STARD13: variants seen among roughly 807,000 people sequenced by gnomAD.
STARD13 encodes the protein StAR related lipid transfer domain containing 13, also known as stAR-related lipid transfer protein 13.
STARD13 carries 62 observed loss-of-function variants against 106.4 expected under a neutral mutation model. The ratio of observed to expected loss-of-function variants is 0.58; its 90% confidence interval spans 0.48 to 0.72. The LOEUF is 0.72. STARD13 is among the 30% of genes least tolerant of loss of function. The pLI, the probability that STARD13 is intolerant of heterozygous loss-of-function variation, is 0.00. For missense variants in STARD13, 1,387 were observed against 1,424.0 expected (o/e 0.97, Z 0.42); for synonymous variants, 565 against 553.0 (o/e 1.02, Z -0.31).
the STARD13 span, among the ~76,000 whole-genome samples, chr13:33,467,150 T>C: frequency 0.015 from 2,236 of 152,028 alleles, 60 homozygotes; most frequent in African/African-American, 0.048. Context: ...ATCTCTCTCA[T>C]TGTAATATAT....
the STARD13 span, among the ~76,000 whole-genome samples, chr13:33,410,747 C>T: frequency 1.3e-5 from 2 of 152,134 alleles, no homozygotes; most frequent in Admixed American, 1.3e-4. Context: ...AACTGCCCTG[C>T]GTTCATCTTT....
chr13:33,604,263 T>C, the STARD13 span, among the ~76,000 whole-genome samples: 3 of 152,150 alleles, frequency 2.0e-5, no homozygotes, highest in Admixed American at 6.5e-5. Flanking sequence ...GATAAGGATC[T>C]GAGAGGCAGA....
the STARD13 span, among the ~76,000 whole-genome samples, chr13:33,450,439 AT>A: frequency 6.6e-6 from 1 of 152,110 alleles, no homozygotes; most frequent in African/African-American, 2.4e-5. Flanking sequence ...GGTGAATGAT[AT>A]TTTTAATGTG....
chr13:33,616,146 A>AAGAG, the STARD13 span, among the ~76,000 whole-genome samples: 1 of 150,154 alleles, frequency 6.7e-6, no homozygotes, highest in Non-Finnish European at 1.5e-5. Context: ...GACAGGGAAA[A>AAGAG]AGAGAGAGAG....
intron 1 of STARD13, among the ~76,000 whole-genome samples, chr13:33,349,785 C>T (rs1362882765): frequency 1.3e-5 from 2 of 152,256 alleles, no homozygotes; most frequent in East Asian, 1.9e-4. Context: ...ACATCCCCCC[C>T]TCTACCCCCG....
At chr13:33,212,817 G>A (rs1040760724) in intron 1 of STARD13, among the ~76,000 whole-genome samples, 1 of 152,096 alleles carries the variant, frequency 6.6e-6, no homozygotes, top group African/African-American at 2.4e-5. Context: ...TCTAATTTCT[G>A]CTATTATTAA....
Position 33,130,355 on chromosome 13 carries a change from C to G in STARD13, c.388-66G>C. 6.6e-7 allele frequency: 1 copy of G among 1,516,264 alleles called. No homozygotes were observed. Among genetic ancestry groups the G allele is most frequent in the Non-Finnish European group, 8.9e-7 (1 of 1,123,456 alleles). The allele number at this position is 1,516,264 out of a possible 1,614,324, so 93.9% of individuals were successfully genotyped here. A position where few individuals can be genotyped will look rare whatever the true frequency, so the allele number is the denominator to read the frequency against. On this transcript the variant is annotated intron_variant, in intron 4 of 13. Transcript: ENST00000336934. The surrounding 1 kb of genome is among the most constrained non-coding windows in gnomAD (Gnocchi z 4.1). ...GGCTGAAGCAGGAACTCTGGGTGCT[C>G]TGAGGGCAGCCCTGTGTGGTCCTCC...
rs1889190253 is a variant in STARD13, at chr13:33,236,368, C to G, written c.169+49102G>C. Among the ~76,000 whole-genome samples, 3 of 152,162 alleles carry G rather than the reference C, an allele frequency of 2.0e-5. 1 individual carries two copies. In the South Asian group the frequency reaches 6.2e-4, roughly 32 times the overall value. On this transcript the variant is annotated intron_variant, in intron 1 of 13. Transcript: ENST00000336934. ...TCTGTGGAGAGGAATAAGGAAGGAC[C>G]AGGTGCGAGGAGTTCCCTGGGTTCG...
At chr13:33,236,975 G>A (rs960133342) in intron 1 of STARD13, among the ~76,000 whole-genome samples, 1 of 151,916 alleles carries the variant, frequency 6.6e-6, no homozygotes, top group African/African-American at 2.4e-5. Flanking sequence ...TTCTTCCCTA[G>A]GATATATACC....
chr13:33,183,725 A>G (rs930582730), intron 1 of STARD13, among the ~76,000 whole-genome samples: 1 of 152,110 alleles, frequency 6.6e-6, no homozygotes, highest in Non-Finnish European at 1.5e-5. Context: ...GAAGGAGGGC[A>G]GTTCCGGTGA....
intron 1 of STARD13, among the ~76,000 whole-genome samples, chr13:33,181,522 T>G (rs921116285): frequency 2.6e-5 from 4 of 152,212 alleles, no homozygotes; most frequent in African/African-American, 9.7e-5. Flanking sequence ...GAGAAAAATA[T>G]TTATAGATCT....
chr13:33,318,617 G>A lies in STARD13; in HGVS notation c.124+31673C>T, dbSNP rs149539767. On this transcript the variant is annotated intron_variant, in intron 1 of 5. Coordinates refer to the STARD13 transcript ENST00000567873. The stretch of plus-strand genomic sequence containing the variant: ...CTTGAACTTTAAAGAACACTGCCAA[G>A]GAACTGAAGAGACAACCCACAGAAT... Among the ~76,000 whole-genome samples the A allele has an allele frequency of 1.8e-3, 275 of 152,022 alleles. 1 individual carries two copies. Among genetic ancestry groups the A allele is most frequent in the African/African-American group, 6.4e-3 (266 of 41,480 alleles).
rs111432399 is a variant in STARD13 at position 33,108,637 on chromosome 13, G to A, written c.3047+1236C>T. On this transcript the variant is annotated intron_variant, in intron 12 of 13. Transcript: ENST00000336934. Reference sequence around the variant, plus strand: ...CAGAGCCTATTGCAGTGCCTGGCACGTGGTCGTGATGGAACGAAGCACTGA... The same window carrying A: ...CAGAGCCTATTGCAGTGCCTGGCACATGGTCGTGATGGAACGAAGCACTGA... Among the ~76,000 whole-genome samples, 887 of 152,316 alleles carry A rather than the reference G, an allele frequency of 5.8e-3. 6 individuals carry two copies. Among genetic ancestry groups the A allele is most frequent in the Non-Finnish European group, 7.9e-3 (538 of 68,028 alleles).
At chr13:33,319,839 C>G (rs561459254) in intron 1 of STARD13, among the ~76,000 whole-genome samples, 2 of 152,258 alleles carry the variant, frequency 1.3e-5, no homozygotes, top group East Asian at 3.9e-4. Context: ...CTAAAAGGAA[C>G]CAGATGCATA....
the STARD13 span, among the ~76,000 whole-genome samples, chr13:33,433,269 AT>A: frequency 6.6e-6 from 1 of 152,154 alleles, no homozygotes; most frequent in African/African-American, 2.4e-5. Flanking sequence ...CATCTTTTCA[AT>A]GTCTCTCATC....
At chr13:33,668,927 C>T in the STARD13 span, among the ~76,000 whole-genome samples, 1 of 152,134 alleles carries the variant, frequency 6.6e-6, no homozygotes, top group Non-Finnish European at 1.5e-5. Context: ...AGTAGTTTAC[C>T]ACATATTGTT....
At chr13:33,221,808 A>T (rs1217937281) in intron 1 of STARD13, among the ~76,000 whole-genome samples, 1 of 152,198 alleles carries the variant, frequency 6.6e-6, no homozygotes, top group African/African-American at 2.4e-5. Flanking sequence ...ATGAATGGAT[A>T]AAAAAATGTG....
chr13:33,490,815 C>T, the STARD13 span, among the ~76,000 whole-genome samples: 3 of 152,238 alleles, frequency 2.0e-5, no homozygotes, highest in African/African-American at 7.2e-5. Flanking sequence ...AGCTGATTAA[C>T]ACTCAAGCCG....
At chr13:33,347,024 G>A (rs1177694635), downstream of STARD13, among the ~76,000 whole-genome samples, 1 of 152,194 alleles carries the variant, frequency 6.6e-6, no homozygotes, top group South Asian at 2.1e-4. Flanking sequence ...AGTTAAAGAA[G>A]TTCCAGCACT....
Sources: gnomAD v4.1 joint callset for allele counts (sites outside exome capture counted in the v4.1 genomes callset) on GRCh38, gnomAD v4.1.1 for gene constraint, Gnocchi (gnomAD v3.1) non-coding constraint, MANE v1.5 for transcripts, NCBI Gene and HGNC (gene_info 2026-07-23, HGNC 2026-07-21) for gene names.